Variants in GMDS observed in about 807,000 individuals in gnomAD.
GMDS encodes the protein GDP-mannose 4,6 dehydratase.
A neutral mutation model predicts 49.9 loss-of-function variants in GMDS; 20 were observed. The observed-to-expected ratio is 0.40, with a 90% CI of 0.28 to 0.58. GMDS has a LOEUF of 0.58. Ranked by LOEUF, GMDS falls within the 20% of genes least tolerant of loss-of-function variation. The probability of loss-of-function intolerance (pLI) is 0.42; values close to 1 mark genes in which losing one functional copy is unlikely to be tolerated. For synonymous variants in GMDS, 177 were observed against 178.6 expected, an observed-to-expected ratio of 0.99 and a Z score of 0.07; for missense variants, 362 against 481.4, an observed-to-expected ratio of 0.75 and a Z score of 2.32.
At chr6:2,051,717 T>C (rs774920242) in intron 4 of GMDS, among the ~76,000 whole-genome samples, 2 of 152,186 alleles carry the variant, frequency 1.3e-5, no homozygotes, top group African/African-American at 2.4e-5. Context: ...TGGTGCCATA[T>C]ACCCTAATCT....
At chr6:1,706,675 G>A (rs952419714) in intron 9 of GMDS, among the ~76,000 whole-genome samples, 5 of 152,226 alleles carry the variant, frequency 3.3e-5, no homozygotes, top group African/African-American at 4.8e-5. Context: ...TCCGCAGCAC[G>A]TGGCTGATTC....
At chr6:1,743,623 C>T (rs1561774638) in intron 7 of GMDS, among the ~76,000 whole-genome samples, 4 of 152,008 alleles carry the variant, frequency 2.6e-5, no homozygotes, top group African/African-American at 9.7e-5. Context: ...AAAAATGCCA[C>T]TGCATGTCCA....
rs1041636702 is a variant in GMDS at position 2,191,837 on chromosome 6, C to A, written c.102+53484G>T. 1.3e-5 allele frequency among the ~76,000 whole-genome samples: 2 copies of A among 152,138 alleles called. No individual in the cohort carries two copies. Among genetic ancestry groups the A allele is most frequent in the African/African-American group, 4.8e-5 (2 of 41,434 alleles). ...GGCTCCGGGGTGGAAGGGGGTAGGT[C>A]CCTGGTGAGACCCCACCTTCAGGCC... On this transcript the variant is annotated intron_variant, in intron 1 of 10. Transcript: ENST00000380815. This position sits in a 1 kb window ranked among gnomAD's most constrained non-coding sequence, Gnocchi z 4.6.
chr6:1,753,011 C>T (rs1767791300), intron 7 of GMDS, among the ~76,000 whole-genome samples: 2 of 152,266 alleles, frequency 1.3e-5, no homozygotes, highest in Non-Finnish European at 2.9e-5. Flanking sequence ...ATCATAATGA[C>T]AGGATCAAAT....
In GMDS at chr6:1,714,737, G is replaced by A. The variant is rs754079830; in HGVS notation, c.987+11679C>T. Reference sequence around the variant, plus strand: ...CCGGCAATGCCTCCAGTTGGCAGTCGTACTCTCTTCAGACAGAAGCAACCT... The same window carrying A: ...CCGGCAATGCCTCCAGTTGGCAGTCATACTCTCTTCAGACAGAAGCAACCT... On this transcript the variant is annotated intron_variant, in intron 9 of 10. Coordinates refer to ENST00000380815, the MANE Select transcript of GMDS (RefSeq NM_001500.4). Among the ~76,000 whole-genome samples, 6 of 152,248 alleles carry A rather than the reference G, an allele frequency of 3.9e-5. No homozygotes were observed. In the East Asian group the frequency reaches 1.2e-3, roughly 29 times the overall value.
intron 4 of GMDS, among the ~76,000 whole-genome samples, chr6:2,042,865 C>A (rs1454148510): frequency 6.6e-6 from 1 of 152,194 alleles, no homozygotes; most frequent in South Asian, 2.1e-4. Context: ...AATTAAGACA[C>A]TAAATAAATT....
At chr6:1,708,804 G>A (rs1197679415) in intron 9 of GMDS, among the ~76,000 whole-genome samples, 3 of 152,244 alleles carry the variant, frequency 2.0e-5, no homozygotes, top group Non-Finnish European at 4.4e-5. Context: ...GTCTCTGTAC[G>A]CTGCATCTCA....
intron 4 of GMDS, among the ~76,000 whole-genome samples, chr6:1,999,980 A>ATATATATT (rs1189385904): frequency 1.1e-4 from 2 of 18,710 alleles, no homozygotes; most frequent in Non-Finnish European, 2.0e-4. Flanking sequence ...TTATATATAT[A>ATATATATT]TTTTATATAT....
chr6:1,917,455 G>A (rs3778555), intron 7 of GMDS, among the ~76,000 whole-genome samples: 60,239 of 152,050 alleles, frequency 0.4, 12,217 homozygotes, highest in Middle Eastern at 0.45. Flanking sequence ...TATGTGTTGG[G>A]AGAATCAAAT....
At chr6:1,991,338 A>T (rs983174945) in intron 4 of GMDS, among the ~76,000 whole-genome samples, 1 of 152,080 alleles carries the variant, frequency 6.6e-6, no homozygotes, top group Non-Finnish European at 1.5e-5. Context: ...GGGCCCCCCT[A>T]AAAAGCTCCA....
chr6:1,796,756 C>A (rs1769749175), intron 7 of GMDS, among the ~76,000 whole-genome samples: 1 of 152,142 alleles, frequency 6.6e-6, no homozygotes, highest in Non-Finnish European at 1.5e-5. Context: ...GTTTTAGTAG[C>A]GAAAAACTTG....
At chr6:1,801,007 C>A (rs1394230200) in intron 7 of GMDS, among the ~76,000 whole-genome samples, 2 of 152,144 alleles carry the variant, frequency 1.3e-5, no homozygotes. Context: ...TGTGACAGAT[C>A]TCTGCAGCAG....
At chr6:2,115,690 T>C in intron 4 of GMDS, 81 bp downstream of exon 4, 1 of 778,364 alleles carries the variant, frequency 1.3e-6, no homozygotes, top group South Asian at 1.4e-5. Flanking sequence ...ATTATATTAC[T>C]ACACTGAGAA....
intron 7 of GMDS, among the ~76,000 whole-genome samples, chr6:1,832,294 G>A (rs1756689554): frequency 1.3e-5 from 2 of 152,000 alleles, no homozygotes; most frequent in Admixed American, 6.5e-5. Context: ...GGGAGGCTGA[G>A]TCTGGAAGCT....
chr6:1,868,988 A>G (rs112221577), intron 7 of GMDS, among the ~76,000 whole-genome samples: 242 of 152,330 alleles, frequency 1.6e-3, no homozygotes, highest in African/African-American at 3.6e-3. Context: ...TAAAGTGCAA[A>G]AGAAATATTA....
At chr6:2,245,259 G>T in intron 1 of GMDS, 62 bp downstream of exon 1, 1 of 1,113,062 alleles carries the variant, frequency 9.0e-7, no homozygotes, top group Non-Finnish European at 1.3e-6. Context: ...GAGTAGCGGC[G>T]CGTAGGGAGA....
intron 7 of GMDS, among the ~76,000 whole-genome samples, chr6:1,867,567 A>C (rs377122798): frequency 8.5e-5 from 13 of 152,290 alleles, no homozygotes; most frequent in East Asian, 5.8e-4. Context: ...GCTTACTGAC[A>C]CCTACCCAGC....
chr6:2,018,270 C>T (rs1768031566), intron 4 of GMDS, among the ~76,000 whole-genome samples: 1 of 152,150 alleles, frequency 6.6e-6, no homozygotes, highest in South Asian at 2.1e-4. Flanking sequence ...TCTAAACATA[C>T]ATAGCTTCAC....
At chr6:2,178,112 A>G (rs932651174) in intron 1 of GMDS, among the ~76,000 whole-genome samples, 3 of 152,234 alleles carry the variant, frequency 2.0e-5, no homozygotes, top group African/African-American at 7.2e-5. Context: ...AAAGATGGGA[A>G]CAATAGACAC....
Sources: gnomAD v4.1 joint callset for allele counts (sites outside exome capture counted in the v4.1 genomes callset) on GRCh38, gnomAD v4.1.1 for gene constraint, Gnocchi (gnomAD v3.1) non-coding constraint, MANE v1.5 for transcripts, NCBI Gene and HGNC (gene_info 2026-07-23, HGNC 2026-07-21) for gene names.